The following BBS1 variants were observed in gnomAD, a reference collection of about 807,000 sequenced individuals.
BBS1 encodes the protein Bardet-Biedl syndrome 1.
A neutral mutation model predicts 73.9 loss-of-function variants in BBS1; 60 were observed. The ratio of observed to expected loss-of-function variants is 0.81; its 90% CI spans 0.66 to 1.01. The LOEUF (loss-of-function observed/expected upper bound fraction) is 1.01. BBS1 is among the 50% of genes least tolerant of loss of function. BBS1 has a pLI of 0.00. For missense variants in BBS1, 718 were observed against 770.3 expected (o/e 0.93, Z 0.80); for synonymous variants, 283 against 317.4 (o/e 0.89, Z 1.15).
chr11:66,523,879 C>G lies in BBS1; in HGVS notation c.1107C>G (p.Thr369=). 6.2e-7 allele frequency: 1 copy of G among 1,613,020 alleles called. No individual in the cohort carries two copies. The highest frequency in any genetic ancestry group is 8.5e-7 in the Non-Finnish European group (1 of 1,180,030). The part of the protein sequence containing the change: ...RDKALLNVIH[T]PDAVTSLCFG... ...AGGCCCTGCTCAATGTCATCCACAC[C>G]CCGGTGAGCCCCATCTCCGGCATCT... Residue 369 remains threonine, a synonymous_variant, in exon 11 of 17, where the codon ACC becomes ACG. Transcript: ENST00000318312.
rs965595821 is a variant in BBS1, at chr11:66,523,316, A to G, written c.831-140A>G. 6.8e-6 allele frequency: 8 copies of G among 1,177,848 alleles called. No homozygotes were observed. In the African/African-American group the frequency reaches 1.2e-4, roughly 18 times the overall value. The allele number at this position is 1,177,848 out of a possible 1,614,324, so 73.0% of individuals were successfully genotyped here. A position where few individuals can be genotyped will look rare whatever the true frequency, so the allele number is the denominator to read the frequency against. ...GCCACACATTTACTAAGGTGGCAGA[A>G]GTGGAAATAATCCCAGGGTCATCTG... is the stretch of plus-strand genomic sequence containing the variant. On this transcript the variant is annotated intron_variant, in intron 9 of 16. Coordinates refer to ENST00000318312, the MANE Select transcript of BBS1 (RefSeq NM_024649.5).
rs763302931 is a variant in BBS1, at chr11:66,529,783, A to C, written c.1340-36A>C. ...TGCTGCCTCCTCCCTGCCACCCCCC[A>C]CCTCCACCGTCAGCCTCTGGGACCC... On this transcript the variant is annotated intron_variant, in intron 13 of 16. Transcript: ENST00000318312. 9 of 1,604,048 alleles carry C rather than the reference A, an allele frequency of 5.6e-6. No homozygotes were observed. The African/African-American group carries it at 1.1e-4, about 19-fold the overall frequency.
In BBS1 at chr11:66,526,561, A is replaced by G. The variant is rs1315761713; in HGVS notation, c.1181-88A>G. On this transcript the variant is annotated intron_variant, in intron 12 of 16. Transcript: ENST00000318312. ...GACGGATGTGTACAGAAGCAACTCT[A>G]TAGGAGGCAGATTGTTTGGGGAAGA... The G allele has an allele frequency of 3.3e-5, 51 of 1,557,824 alleles. No individual in the cohort carries two copies. In the East Asian group the frequency reaches 1.1e-3, roughly 34 times the overall value.
intron 13 of BBS1, chr11:66,527,110 C>A: frequency 8.1e-7 from 1 of 1,236,592 alleles, no homozygotes; most frequent in Non-Finnish European, 1.1e-6. Context: ...GGCATGGTGG[C>A]TCACGCCTGT....
chr11:66,521,206 C>A, intron 8 of BBS1, 64 bp from the exon 9 acceptor site: 1 of 1,247,302 alleles, frequency 8.0e-7, no homozygotes, highest in Non-Finnish European at 1.2e-6. Flanking sequence ...AGAGGAGTTA[C>A]TGACAGGGCA....
chr11:66,521,202 G>A (rs1856198970), intron 8 of BBS1, 68 bp from the exon 9 acceptor site: 1 of 1,187,232 alleles, frequency 8.4e-7, no homozygotes, highest in South Asian at 1.2e-5. Context: ...ACTCAGAGGA[G>A]TTACTGACAG....
At chr11:66,518,112 C>T (rs1283534642) in intron 7 of BBS1, among the ~76,000 whole-genome samples, 1 of 151,736 alleles carries the variant, frequency 6.6e-6, no homozygotes, top group African/African-American at 2.4e-5. Flanking sequence ...GATGTGCCAC[C>T]ACGCCCGGCT....
chr11:66,513,904 C>T (rs1195341684), intron 3 of BBS1, among the ~76,000 whole-genome samples: 1 of 151,864 alleles, frequency 6.6e-6, no homozygotes, highest in Non-Finnish European at 1.5e-5. Flanking sequence ...GCTCCAGCAG[C>T]TTGGAAGATG....
chr11:66,510,754 G>T lies in BBS1; in HGVS notation c.47+48G>T, dbSNP rs376108907. On this transcript the variant is annotated intron_variant, in intron 1 of 16. Coordinates refer to ENST00000318312, the MANE Select transcript of BBS1 (RefSeq NM_024649.5). Reference sequence around the variant, plus strand: ...CCTCTTTTCCCACCCGTGTAAAGAGGGTCCCTTGGTCCCCGGGCTCTGGGC... The same window carrying T: ...CCTCTTTTCCCACCCGTGTAAAGAGTGTCCCTTGGTCCCCGGGCTCTGGGC... The T allele has an allele frequency of 1.5e-4, 247 of 1,610,264 alleles. 1 individual carries two copies. The highest frequency in any genetic ancestry group is 4.9e-4 in the Middle Eastern group (3 of 6,076).
intron 13 of BBS1, chr11:66,527,037 C>T: frequency 2.0e-6 from 3 of 1,535,468 alleles, no homozygotes; most frequent in Non-Finnish European, 2.6e-6. Context: ...CCTTAGAATT[C>T]AGGGAAGGGA....
chr11:66,512,161 G>C (rs1477037865), intron 3 of BBS1, among the ~76,000 whole-genome samples: 1 of 151,514 alleles, frequency 6.6e-6, no homozygotes, highest in Admixed American at 6.6e-5. Context: ...ATAAAAGAAA[G>C]GAAGTTAGCA....
chr11:66,512,635 C>T (rs1414646598), intron 3 of BBS1, among the ~76,000 whole-genome samples: 2 of 152,100 alleles, frequency 1.3e-5, no homozygotes, highest in Non-Finnish European at 2.9e-5. Flanking sequence ...TGGCTCTGGG[C>T]TTACAATAGT....
intron 13 of BBS1, among the ~76,000 whole-genome samples, chr11:66,527,344 C>T (rs903332256): frequency 6.6e-6 from 1 of 151,378 alleles, no homozygotes; most frequent in South Asian, 2.1e-4. Flanking sequence ...ATGATTACAC[C>T]AGGCCTTGTG....
intron 3 of BBS1, among the ~76,000 whole-genome samples, chr11:66,512,004 AT>A (rs201297675): frequency 1.0e-3 from 136 of 135,946 alleles, no homozygotes; most frequent in African/African-American, 3.0e-3. Context: ...TCAAAAAAAA[AT>A]ATATATATAT....
chr11:66,515,617 C>G (rs200052384), intron 5 of BBS1, 31 bp downstream of exon 5: 2 of 1,614,204 alleles, frequency 1.2e-6, no homozygotes, highest in African/African-American at 1.3e-5. Flanking sequence ...TCATACCCCC[C>G]TCACTCCTTC....
intron 1 of BBS1, 105 bp downstream of exon 1, chr11:66,510,811 C>T: frequency 4.6e-6 from 7 of 1,524,546 alleles, no homozygotes; most frequent in Non-Finnish European, 6.3e-6. Context: ...TGGAAGGACT[C>T]TTAAGAGGTC....
At position 66,519,708 on chromosome 11, in the gene BBS1, T is replaced by C; in HGVS notation, c.683T>C (p.Leu228Pro). Residue 228 changes from leucine to proline, a missense_variant, in exon 8 of 17, where the codon CTC becomes CCC. Coordinates refer to ENST00000318312, the MANE Select transcript of BBS1 (RefSeq NM_024649.5). ...GTGCTGGGCACCGAGAACAAGGAGC[T>C]CCTGGTGCTTGACCCCGAGGCCTTC... ...CLVLGTENKE[L>P]LVLDPEAFTI... 2.5e-6 allele frequency: 4 copies of C among 1,613,602 alleles called. No individual in the cohort carries two copies. Among genetic ancestry groups the C allele is most frequent in the Non-Finnish European group, 2.5e-6 (3 of 1,179,932 alleles).
intron 7 of BBS1, among the ~76,000 whole-genome samples, chr11:66,519,144 G>A (rs888824987): frequency 3.3e-5 from 5 of 152,312 alleles, no homozygotes; most frequent in African/African-American, 9.6e-5. Context: ...CAGCACTTTA[G>A]GGGGCTGAGG....
At chr11:66,517,875 G>A (rs891892878) in intron 7 of BBS1, among the ~76,000 whole-genome samples, 1 of 151,764 alleles carries the variant, frequency 6.6e-6, no homozygotes, top group African/African-American at 2.4e-5. Flanking sequence ...AAAGTGCTGG[G>A]ATTACAGGCA....
Sources: gnomAD v4.1 joint callset for allele counts (sites outside exome capture counted in the v4.1 genomes callset) on GRCh38, gnomAD v4.1.1 for gene constraint, MANE v1.5 for transcripts, NCBI Gene and HGNC (gene_info 2026-07-23, HGNC 2026-07-21) for gene names.